AGMO: variants seen among roughly 807,000 people sequenced by gnomAD.
AGMO encodes alkylglycerol monooxygenase.
A neutral mutation model predicts 60.2 loss-of-function variants in AGMO; 75 were observed. That is an observed-to-expected ratio of 1.25 (90% CI 1.03 to 1.51). AGMO has a LOEUF of 1.51. Ranked by LOEUF, AGMO falls within the 40% of genes most tolerant of loss-of-function variation. AGMO has a pLI of 0.00. For missense variants in AGMO, 763 were observed against 525.5 expected, an observed-to-expected ratio of 1.45 and a Z score of -4.42; for synonymous variants, 261 against 177.1, an observed-to-expected ratio of 1.47 and a Z score of -3.76.
chr7:15,508,314 T>C (rs1783575743), intron 3 of AGMO, among the ~76,000 whole-genome samples: 2 of 152,166 alleles, frequency 1.3e-5, no homozygotes, highest in African/African-American at 2.4e-5. Flanking sequence ...GTCTGGGATG[T>C]AGTAAAAACA....
intron 12 of AGMO, among the ~76,000 whole-genome samples, chr7:15,304,612 G>A (rs551571500): frequency 6.6e-6 from 1 of 152,170 alleles, no homozygotes; most frequent in Middle Eastern, 3.4e-3. Context: ...TTCGTTATGA[G>A]TCAAGGGTTC....
At chr7:15,386,120 G>A (rs1783900163) in intron 9 of AGMO, among the ~76,000 whole-genome samples, 1 of 151,974 alleles carries the variant, frequency 6.6e-6, no homozygotes, top group Non-Finnish European at 1.5e-5. Context: ...GGCAGAGGCT[G>A]CAGTGAGCCA....
At chr7:15,493,879 T>C (rs1783148419) in intron 3 of AGMO, among the ~76,000 whole-genome samples, 1 of 152,114 alleles carries the variant, frequency 6.6e-6, no homozygotes, top group South Asian at 2.1e-4. Flanking sequence ...GAGTACATAG[T>C]AGGTATAAAT....
intron 3 of AGMO, among the ~76,000 whole-genome samples, chr7:15,452,855 A>T (rs1781891326): frequency 6.6e-6 from 1 of 152,214 alleles, no homozygotes; most frequent in African/African-American, 2.4e-5. Context: ...TGGATAAATA[A>T]ATTGTGGTAT....
intron 3 of AGMO, among the ~76,000 whole-genome samples, chr7:15,519,329 A>C (rs554930034): frequency 5.9e-5 from 9 of 152,118 alleles, no homozygotes; most frequent in South Asian, 2.1e-4. Flanking sequence ...TAGCCTTGAG[A>C]AGAGCAACCC....
intron 9 of AGMO, among the ~76,000 whole-genome samples, chr7:15,386,790 A>AAT (rs1562478129): frequency 6.6e-6 from 1 of 152,220 alleles, no homozygotes; most frequent in African/African-American, 2.4e-5. Flanking sequence ...TAAATGATTA[A>AAT]AAAGCACCTT....
At chr7:15,161,030 T>C in the AGMO span, among the ~76,000 whole-genome samples, 13 of 152,252 alleles carry the variant, frequency 8.5e-5, no homozygotes, top group African/African-American at 2.4e-4. Flanking sequence ...CATCCTTTTA[T>C]AGGGAACCCA....
intron 3 of AGMO, among the ~76,000 whole-genome samples, chr7:15,435,428 G>T (rs956173575): frequency 2.0e-5 from 3 of 151,908 alleles, no homozygotes; most frequent in African/African-American, 7.3e-5. Context: ...CATTATAATA[G>T]GTATGCAGTG....
At chr7:15,247,459 C>CACACAGAGAGAGAGAG (rs139642069) in intron 12 of AGMO, among the ~76,000 whole-genome samples, 76 of 115,272 alleles carry the variant, frequency 6.6e-4, no homozygotes, top group African/African-American at 2.3e-3. Context: ...CACACACACA[C>CACACAGAGAGAGAGAG]AGAGAGAGAG....
At chr7:15,257,570 CCT>C (rs1185711864) in intron 12 of AGMO, among the ~76,000 whole-genome samples, 1 of 152,054 alleles carries the variant, frequency 6.6e-6, no homozygotes, top group Admixed American at 6.5e-5. Context: ...CAATTTTTCC[CCT>C]CTGATGATTA....
At chr7:15,124,666 T>A in the AGMO span, among the ~76,000 whole-genome samples, 1 of 152,118 alleles carries the variant, frequency 6.6e-6, no homozygotes, top group Non-Finnish European at 1.5e-5. Context: ...TCAAAAGATT[T>A]CTTTTCTTTA....
At chr7:15,230,502 G>C (rs1782228776) in intron 12 of AGMO, among the ~76,000 whole-genome samples, 2 of 152,144 alleles carry the variant, frequency 1.3e-5, no homozygotes. Context: ...CCTCACACCA[G>C]ACTTGGTGCA....
At chr7:15,327,196 G>A (rs1186315843) in intron 12 of AGMO, among the ~76,000 whole-genome samples, 2 of 152,136 alleles carry the variant, frequency 1.3e-5, no homozygotes, top group Non-Finnish European at 2.9e-5. Context: ...TTCTTTGGAA[G>A]AAATGTTTTT....
chr7:15,360,825 G>GT (rs1782722001), intron 12 of AGMO, among the ~76,000 whole-genome samples: 1 of 152,126 alleles, frequency 6.6e-6, no homozygotes, highest in Non-Finnish European at 1.5e-5. Context: ...AAGGCAGGCA[G>GT]TTCTGAGATT....
At chr7:15,418,786 T>C (rs1583531976) in intron 4 of AGMO, 133 bp from the exon 5 acceptor site, 1 of 578,760 alleles carries the variant, frequency 1.7e-6, no homozygotes, top group East Asian at 3.6e-5. Context: ...TTTATTGCCA[T>C]GTTTACTTTG....
chr7:15,214,229 A>G (rs981106342), intron 12 of AGMO, among the ~76,000 whole-genome samples: 1 of 151,956 alleles, frequency 6.6e-6, no homozygotes, highest in African/African-American at 2.4e-5. Flanking sequence ...GAAAAATCAC[A>G]CTTTGGGACA....
the AGMO span, among the ~76,000 whole-genome samples, chr7:15,119,221 G>T: frequency 2.6e-5 from 4 of 151,658 alleles, no homozygotes; most frequent in Non-Finnish European, 5.9e-5. Flanking sequence ...TAGATCTCCT[G>T]CTCTGGCCAT....
the AGMO span, among the ~76,000 whole-genome samples, chr7:15,122,515 T>C: frequency 6.6e-6 from 1 of 152,110 alleles, no homozygotes; most frequent in Non-Finnish European, 1.5e-5. Flanking sequence ...GTTATTCTAA[T>C]AGGGATTTCA....
At chr7:15,205,628 GTTACT>G (rs1427700958) in intron 12 of AGMO, among the ~76,000 whole-genome samples, 6 of 152,078 alleles carry the variant, frequency 3.9e-5, no homozygotes, top group Non-Finnish European at 7.4e-5. Context: ...AGAAATTTGA[GTTACT>G]TTAAGTATAA....
Sources: gnomAD v4.1 joint callset for allele counts (sites outside exome capture counted in the v4.1 genomes callset) on GRCh38, gnomAD v4.1.1 for gene constraint, MANE v1.5 for transcripts, NCBI Gene and HGNC (gene_info 2026-07-23, HGNC 2026-07-21) for gene names.